The following NIN variants were observed in gnomAD, a reference collection of about 807,000 sequenced individuals.
NIN encodes glycogen synthase kinase 3 beta-interacting protein.
Under a neutral mutation model 257.6 loss-of-function variants are expected in NIN, and 137 were observed. That is an observed-to-expected ratio of 0.53 (90% CI 0.46 to 0.61). NIN has a LOEUF of 0.61. NIN is among the 20% of genes least tolerant of loss of function. The probability of loss-of-function intolerance (pLI) is 0.00; values close to 1 mark genes in which losing one functional copy is unlikely to be tolerated. For missense variants in NIN, 2,439 were observed against 2,501.2 expected, an observed-to-expected ratio of 0.98 and a Z score of 0.53; for synonymous variants, 918 against 919.8, an observed-to-expected ratio of 1.00 and a Z score of 0.04.
rs4901055 is a variant in NIN, at chr14:50,760,282, A to G, written c.1974T>C (p.His658=). 220,771 of 1,609,434 alleles carry G rather than the reference A, an allele frequency of 0.14. 17,753 individuals carry two copies. Among genetic ancestry groups the G allele is most frequent in the African/African-American group, 0.35 (25,845 of 74,880 alleles). The change falls in exon 17 of 31, where the codon CAT becomes CAC. Residue 658 remains histidine, a synonymous_variant. Transcript: ENST00000530997. The stretch of plus-strand genomic sequence containing the variant: ...TTTCTAAGGTGTGCGTTTCGTTCTC[A>G]TGCCTTTGCTTCATGTTCTCCTGTG... ...KKAQENMKQR[H]ENETHTLEKQ... is the part of the protein sequence containing the mutation.
At chr14:50,737,856 A>G (rs1252786416) in intron 27 of NIN, among the ~76,000 whole-genome samples, 1 of 152,102 alleles carries the variant, frequency 6.6e-6, no homozygotes, top group Non-Finnish European at 1.5e-5. Context: ...CGTATTGGTC[A>G]GGCTGGTCTC....
At chr14:50,761,383 C>T (rs1273624408) in intron 16 of NIN, among the ~76,000 whole-genome samples, 1 of 152,158 alleles carries the variant, frequency 6.6e-6, no homozygotes, top group Admixed American at 6.5e-5. Context: ...GATAAGGTAA[C>T]TCATAAGAAC....
At chr14:50,797,376 G>A (rs992877248) in intron 4 of NIN, among the ~76,000 whole-genome samples, 1 of 152,128 alleles carries the variant, frequency 6.6e-6, no homozygotes, top group African/African-American at 2.4e-5. Flanking sequence ...GACTCATTTA[G>A]TGAGCCTGGG....
chr14:50,754,938 A>T (rs1377909825), intron 18 of NIN, 71 bp from the exon 19 acceptor site: 1 of 1,082,320 alleles, frequency 9.2e-7, no homozygotes, highest in Non-Finnish European at 1.3e-6. Flanking sequence ...ATTTTCTAGT[A>T]ACTTCCAAAA....
intron 5 of NIN, chr14:50,792,474 T>C (rs1266096402): frequency 2.0e-6 from 1 of 509,572 alleles, no homozygotes; most frequent in Admixed American, 3.3e-5. Context: ...ACTCTAAATG[T>C]GTACATGACG....
At chr14:50,795,495 T>C (rs2043798228) in intron 4 of NIN, among the ~76,000 whole-genome samples, 1 of 152,188 alleles carries the variant, frequency 6.6e-6, no homozygotes. Flanking sequence ...CACCGAACCA[T>C]GGGGATTATA....
Position 50,752,530 on chromosome 14 carries a change from A to G in NIN, c.4938T>C (p.Arg1646=). ...EKFNLKEELE[R]CKVQSSTLVS... ...CTACAGGCCATACCTGCACTTTACA[A>G]CGTTCCAGTTCTTCTTTCAGATTAA... Residue 1646 remains arginine, a synonymous_variant, in exon 21 of 31, where the codon CGT becomes CGC. Coordinates refer to ENST00000530997, the MANE Select transcript of NIN (RefSeq NM_020921.4). The G allele has an allele frequency of 1.2e-6, 2 of 1,613,592 alleles. No homozygotes were observed. Among genetic ancestry groups the G allele is most frequent in the Non-Finnish European group, 1.7e-6 (2 of 1,179,684 alleles).
intron 12 of NIN, among the ~76,000 whole-genome samples, chr14:50,768,257 C>T (rs1200039695): frequency 6.6e-6 from 1 of 152,008 alleles, no homozygotes; most frequent in Non-Finnish European, 1.5e-5. Context: ...AAAAAATGTA[C>T]TTAGAGCATT....
At chr14:50,790,238 T>A (rs569508264) in intron 5 of NIN, among the ~76,000 whole-genome samples, 50 of 152,272 alleles carry the variant, frequency 3.3e-4, no homozygotes, top group African/African-American at 1.2e-3. Flanking sequence ...TTGAGTTTCG[T>A]AGAAACAAGG....
chr14:50,803,146 G>A (rs537267461), intron 4 of NIN, among the ~76,000 whole-genome samples: 7 of 152,290 alleles, frequency 4.6e-5, no homozygotes, highest in African/African-American at 1.7e-4. Context: ...AAGGTCAGGA[G>A]TTCAAGACCA....
chr14:50,787,469 T>G (rs868242841), intron 5 of NIN, among the ~76,000 whole-genome samples: 1 of 152,352 alleles, frequency 6.6e-6, no homozygotes. Flanking sequence ...CACTTGTTTC[T>G]TAACAAAGTA....
chr14:50,766,963 A>G lies in NIN; in HGVS notation c.1435-73T>C, dbSNP rs978488643. ...CAAACTGTGGTACTATTTTATATAC[A>G]GCATAAATCAGTACCGTAGATTAAA... On this transcript the variant is annotated intron_variant, in intron 12 of 30. Coordinates refer to ENST00000530997, the MANE Select transcript of NIN (RefSeq NM_020921.4). 3 of 957,022 alleles carry G rather than the reference A, an allele frequency of 3.1e-6. No individual in the cohort carries two copies. In the African/African-American group the frequency reaches 4.9e-5, roughly 16 times the overall value. The allele number at this position is 957,022 out of a possible 1,614,324, so 59.3% of individuals were successfully genotyped here.
chr14:50,780,399 C>A (rs997741208), intron 5 of NIN, among the ~76,000 whole-genome samples: 7 of 152,210 alleles, frequency 4.6e-5, no homozygotes, highest in African/African-American at 1.4e-4. Context: ...ATAAACTCGA[C>A]AGGAAAGTCA....
chr14:50,735,542 C>T lies in NIN; in HGVS notation c.5851G>A (p.Val1951Ile). The T allele has an allele frequency of 1.2e-6, 2 of 1,613,140 alleles. No individual in the cohort carries two copies. The highest frequency in any genetic ancestry group is 1.7e-6 in the Non-Finnish European group (2 of 1,179,954). Residue 1951 changes from valine (V) to isoleucine (I), a missense_variant, in exon 28 of 31, where the codon GTA becomes ATA. Physicochemically the swap from Val to Ile is conservative, Grantham distance 29. This residue lies in a region of NIN where 2,043 missense variants were observed against 2,050.2 expected (regional missense o/e 1.00). Transcript: ENST00000530997. ...LENEGLKKKQ[V>I]KLDEQLMEMQ... ...TCCATGAGCTGCTCATCCAGTTTTACTTGTTTCTTTTTCAGGCCTTCATTT... is the reference window on the plus strand; with the variant it reads ...TCCATGAGCTGCTCATCCAGTTTTATTTGTTTCTTTTTCAGGCCTTCATTT...
In NIN at chr14:50,757,803, T is replaced by G. The variant is rs2042100688; in HGVS notation, c.3227A>C (p.Gln1076Pro). ...VLLSLQRAHE[Q>P]AVKENVKMAT... The stretch of plus-strand genomic sequence containing the variant: ...CATTTTCACATTTTCCTTCACTGCC[T>G]GTTCATGAGCTCTCTGCAGGCTTAA... The change falls in exon 18 of 31, where the codon CAG becomes CCG. Residue 1076 changes from glutamine to proline, a missense_variant. Gln to Pro is a moderately conservative substitution (Grantham distance 76). Coordinates refer to ENST00000530997, the MANE Select transcript of NIN (RefSeq NM_020921.4). 3.1e-6 allele frequency: 5 copies of G among 1,614,228 alleles called. No homozygotes were observed. The highest frequency in any genetic ancestry group is 4.2e-6 in the Non-Finnish European group (5 of 1,180,050).
At chr14:50,780,290 T>G (rs1368960263) in intron 5 of NIN, among the ~76,000 whole-genome samples, 1 of 152,222 alleles carries the variant, frequency 6.6e-6, no homozygotes, top group East Asian at 1.9e-4. Flanking sequence ...ATAGCAGTGA[T>G]CCAGCTTTAT....
intron 3 of NIN, among the ~76,000 whole-genome samples, chr14:50,818,339 A>C (rs910143003): frequency 3.1e-4 from 43 of 140,272 alleles, no homozygotes; most frequent in African/African-American, 1.1e-3. Flanking sequence ...AAAAAAAAAA[A>C]CACTGGATAT....
intron 3 of NIN, among the ~76,000 whole-genome samples, chr14:50,810,856 G>A (rs1044379260): frequency 1.8e-4 from 27 of 151,870 alleles, no homozygotes; most frequent in African/African-American, 6.5e-4. Context: ...TAGAGACAGG[G>A]TTTCACCGCG....
rs139627250 is a variant in NIN, at chr14:50,742,028, T to C, written c.5302-300A>G. Reference sequence around the variant, plus strand: ...GGGTGCCAACTGGCATCACAAAAGATGGTTTCACTGAATTTTGTAGAAATT... The same window carrying C: ...GGGTGCCAACTGGCATCACAAAAGACGGTTTCACTGAATTTTGTAGAAATT... On this transcript the variant is annotated intron_variant, in intron 24 of 30. Coordinates refer to ENST00000530997, the MANE Select transcript of NIN (RefSeq NM_020921.4). The C allele has an allele frequency of 5.2e-4, 139 of 269,878 alleles. 3 individuals carry two copies. In the East Asian group the frequency reaches 9.0e-3, roughly 18 times the overall value. The allele number at this position is 269,878 out of a possible 1,614,324, so 16.7% of individuals were successfully genotyped here.
Sources: allele counts gnomAD v4.1 joint callset (sites outside exome capture counted in the v4.1 genomes callset), GRCh38; gene constraint gnomAD v4.1.1; regional missense constraint gnomAD v4.1.1; transcripts MANE v1.5; gene names NCBI Gene and HGNC (gene_info 2026-07-23, HGNC 2026-07-21).